Variants in THSD4 observed in about 807,000 individuals in gnomAD.
THSD4 encodes thrombospondin type-1 domain-containing protein 4.
In THSD4, 69 loss-of-function variants were observed where a neutral mutation model predicts 119.0. The ratio of observed to expected loss-of-function variants is 0.58; its 90% CI spans 0.48 to 0.71. The LOEUF (loss-of-function observed/expected upper bound fraction) is 0.71, where lower values mean the gene tolerates loss of function less well. Ranked by LOEUF, THSD4 falls within the 30% of genes least tolerant of loss-of-function variation. THSD4 has a pLI of 0.00. For missense variants in THSD4, 1,393 were observed against 1,391.1 expected (o/e 1.00, Z -0.02); for synonymous variants, 524 against 540.4 (o/e 0.97, Z 0.42).
intron 6 of THSD4, among the ~76,000 whole-genome samples, chr15:71,304,164 G>A (rs1161815527): frequency 6.6e-6 from 1 of 152,162 alleles, no homozygotes; most frequent in African/African-American, 2.4e-5. Context: ...CATATTGAAA[G>A]GGCTGCACCA....
intron 7 of THSD4, among the ~76,000 whole-genome samples, chr15:71,447,782 G>A (rs1480596191): frequency 6.6e-6 from 1 of 152,156 alleles, no homozygotes; most frequent in Non-Finnish European, 1.5e-5. Flanking sequence ...AGAGGAAGAG[G>A]TCCTGGGCTA....
At chr15:71,704,730 C>G (rs184628107) in intron 8 of THSD4, among the ~76,000 whole-genome samples, 9 of 152,278 alleles carry the variant, frequency 5.9e-5, no homozygotes, top group Non-Finnish European at 1.0e-4. Flanking sequence ...ATACAGGGGC[C>G]GGTTGGCTAC....
In THSD4 at chr15:71,745,091, C is replaced by T; in HGVS notation, c.1907-15C>T. ...TGTGTGGGACTGTCCTTCAGACATT[C>T]TCCTGTTGTTGCAGGATCGCAGTAC... On this transcript the variant is annotated splice_polypyrimidine_tract_variant and intron_variant, in intron 11 of 17. Coordinates refer to ENST00000261862, the MANE Select transcript of THSD4 (RefSeq NM_024817.3). The T allele has an allele frequency of 6.2e-7, 1 of 1,608,290 alleles. No homozygotes were observed. Among genetic ancestry groups the T allele is most frequent in the Non-Finnish European group, 8.5e-7 (1 of 1,177,302 alleles).
chr15:71,400,069 G>A (rs1032235252), intron 6 of THSD4, among the ~76,000 whole-genome samples: 7 of 151,978 alleles, frequency 4.6e-5, no homozygotes, highest in Non-Finnish European at 1.0e-4. Context: ...TTTCTAATCC[G>A]GATACCCAAG....
chr15:71,706,616 G>A (rs2052397348), intron 8 of THSD4, among the ~76,000 whole-genome samples: 2 of 152,182 alleles, frequency 1.3e-5, no homozygotes, highest in African/African-American at 4.8e-5. Flanking sequence ...AGGAGAACCA[G>A]GAACTGGACC....
At chr15:71,439,911 T>C (rs1376337874) in intron 7 of THSD4, among the ~76,000 whole-genome samples, 4 of 152,162 alleles carry the variant, frequency 2.6e-5, no homozygotes, top group African/African-American at 9.7e-5. Context: ...AAACACCTAA[T>C]GTAGGTGACG....
chr15:71,659,872 C>G lies in THSD4; in HGVS notation c.1153-658C>G, dbSNP rs188273758. On this transcript the variant is annotated intron_variant, in intron 7 of 17. Transcript: ENST00000261862. ...AGAATTCCTTTATACACTGATGAGA[C>G]CAGCTCTACAGACAGCACTCTGTGG... 1.1e-4 allele frequency among the ~76,000 whole-genome samples: 16 copies of G among 152,208 alleles called. No individual in the cohort carries two copies. In the East Asian group the frequency reaches 2.3e-3, roughly 22 times the overall value.
intron 15 of THSD4, among the ~76,000 whole-genome samples, chr15:71,758,523 G>A (rs1290466727): frequency 6.6e-6 from 1 of 152,212 alleles, no homozygotes; most frequent in African/African-American, 2.4e-5. Flanking sequence ...AGTATCAGAA[G>A]CAGAAATTTT....
intron 7 of THSD4, among the ~76,000 whole-genome samples, chr15:71,634,301 A>T (rs1312862439): frequency 6.6e-6 from 1 of 152,214 alleles, no homozygotes; most frequent in Non-Finnish European, 1.5e-5. Context: ...AGTACTTGGT[A>T]TAGTCAACCC....
chr15:71,365,269 A>G (rs1165082570), intron 6 of THSD4, among the ~76,000 whole-genome samples: 3 of 151,928 alleles, frequency 2.0e-5, no homozygotes, highest in Non-Finnish European at 4.4e-5. Flanking sequence ...TTCCAGGTGA[A>G]GCAAAGAAAG....
chr15:71,695,502 A>ATGTG (rs3086738), intron 8 of THSD4, among the ~76,000 whole-genome samples: 4,869 of 144,086 alleles, frequency 0.034, 240 homozygotes, highest in African/African-American at 0.11. Context: ...GTGTGTGTGC[A>ATGTG]TGTGTGTGTG....
At chr15:71,153,167 A>G (rs2040742227) in intron 2 of THSD4, among the ~76,000 whole-genome samples, 2 of 152,148 alleles carry the variant, frequency 1.3e-5, no homozygotes, top group Non-Finnish European at 2.9e-5. Flanking sequence ...CAAGCTCTGA[A>G]TGTTGTCCCT....
At chr15:71,653,223 G>A (rs1181106629) in intron 7 of THSD4, among the ~76,000 whole-genome samples, 3 of 152,224 alleles carry the variant, frequency 2.0e-5, no homozygotes, top group African/African-American at 7.2e-5. Flanking sequence ...ACTCGAGAAG[G>A]TTTGATAGCA....
chr15:71,518,883 C>A (rs1389660154), intron 7 of THSD4, among the ~76,000 whole-genome samples: 2 of 151,960 alleles, frequency 1.3e-5, no homozygotes, highest in Non-Finnish European at 2.9e-5. Flanking sequence ...CCACAATGAA[C>A]AATAAAGGCA....
At chr15:71,754,012 T>C (rs866043618) in intron 14 of THSD4, among the ~76,000 whole-genome samples, 30 of 152,112 alleles carry the variant, frequency 2.0e-4, no homozygotes, top group African/African-American at 6.3e-4. Flanking sequence ...AGATGGAAAT[T>C]ACTTGGAAAC....
intron 4 of THSD4, among the ~76,000 whole-genome samples, chr15:71,222,264 C>T (rs61480693): frequency 0.02 from 3,022 of 152,252 alleles, 109 homozygotes; most frequent in African/African-American, 0.07. Flanking sequence ...GGTATGAGAG[C>T]AGTGCCCTCT....
intron 7 of THSD4, among the ~76,000 whole-genome samples, chr15:71,540,134 A>C (rs1311153036): frequency 9.7e-6 from 1 of 103,090 alleles, no homozygotes; most frequent in Non-Finnish European, 2.0e-5. Flanking sequence ...CATTTTATTT[A>C]CTTTTTTTTT....
chr15:71,664,739 A>T lies in THSD4; in HGVS notation c.1357+4005A>T, dbSNP rs567800413. 3.9e-5 allele frequency among the ~76,000 whole-genome samples: 6 copies of T among 152,240 alleles called. No homozygotes were observed. The South Asian group carries it at 6.2e-4, about 16-fold the overall frequency. On this transcript the variant is annotated intron_variant, in intron 8 of 17. Transcript: ENST00000261862. ...TTAGCTCCCACTTGTAAGTGATAGCATGTGGTATTTGGTTTTCTGTTCCTG... is the reference window on the plus strand; with the variant it reads ...TTAGCTCCCACTTGTAAGTGATAGCTTGTGGTATTTGGTTTTCTGTTCCTG...
chr15:71,330,767 A>AT (rs1053117639), intron 6 of THSD4, among the ~76,000 whole-genome samples: 19 of 151,884 alleles, frequency 1.3e-4, no homozygotes, highest in Non-Finnish European at 2.5e-4. Context: ...AAACCCACTC[A>AT]TTTTTTTCTC....
Sources: allele counts gnomAD v4.1 joint callset (sites outside exome capture counted in the v4.1 genomes callset), GRCh38; gene constraint gnomAD v4.1.1; transcripts MANE v1.5; gene names NCBI Gene and HGNC (gene_info 2026-07-23, HGNC 2026-07-21).